HECW2: variants seen among roughly 807,000 people sequenced by gnomAD.
HECW2 encodes HECT, C2 and WW domain containing E3 ubiquitin protein ligase 2, also known as E3 ubiquitin-protein ligase HECW2.
A neutral mutation model predicts 175.2 loss-of-function variants in HECW2; 61 were observed. That is an observed-to-expected ratio of 0.35 (90% confidence interval 0.28 to 0.43). The LOEUF (loss-of-function observed/expected upper bound fraction) is 0.43. HECW2 is among the 20% of genes least tolerant of loss of function. The pLI is 1.00. For missense variants in HECW2, 1,524 were observed against 2,000.5 expected, an observed-to-expected ratio of 0.76 and a Z score of 4.54; for synonymous variants, 671 against 731.0, an observed-to-expected ratio of 0.92 and a Z score of 1.32.
At chr2:196,296,402 C>T (rs957747869) in intron 13 of HECW2, among the ~76,000 whole-genome samples, 1 of 152,042 alleles carries the variant, frequency 6.6e-6, no homozygotes, top group African/African-American at 2.4e-5. Context: ...TTGAAAAGGT[C>T]AAAATCACTT....
chr2:196,344,868 A>G (rs574545842), intron 2 of HECW2, among the ~76,000 whole-genome samples: 94 of 152,316 alleles, frequency 6.2e-4, no homozygotes, highest in Non-Finnish European at 1.2e-3. Context: ...CCCAAGCCCA[A>G]AGGAATAGTC....
intron 2 of HECW2, among the ~76,000 whole-genome samples, chr2:196,353,773 C>T (rs1345994676): frequency 6.6e-6 from 1 of 152,184 alleles, no homozygotes; most frequent in Non-Finnish European, 1.5e-5. Context: ...CCAAATGTTG[C>T]CTTTTCCAAT....
At chr2:196,455,177 G>A (rs1357693483) in intron 1 of HECW2, among the ~76,000 whole-genome samples, 1 of 152,068 alleles carries the variant, frequency 6.6e-6, no homozygotes. Flanking sequence ...GGGATTACAG[G>A]TGTGTGCCAC....
At chr2:196,485,941 A>C (rs1686985135) in intron 1 of HECW2, among the ~76,000 whole-genome samples, 1 of 152,196 alleles carries the variant, frequency 6.6e-6, no homozygotes. Flanking sequence ...TTCAAAACAC[A>C]GGAAGCTATT....
chr2:196,221,544 A>G (rs1461261411), intron 24 of HECW2, among the ~76,000 whole-genome samples: 4 of 151,986 alleles, frequency 2.6e-5, no homozygotes, highest in African/African-American at 4.8e-5. Flanking sequence ...AAAAAAATCA[A>G]TTTTGGTTCT....
chr2:196,513,632 T>C (rs748141951), intron 1 of HECW2, among the ~76,000 whole-genome samples: 1 of 152,146 alleles, frequency 6.6e-6, no homozygotes, highest in Non-Finnish European at 1.5e-5. Context: ...GAAGACAATA[T>C]AAAAACAGTA....
chr2:196,296,769 C>T (rs375270310), intron 13 of HECW2, among the ~76,000 whole-genome samples: 17 of 152,164 alleles, frequency 1.1e-4, no homozygotes, highest in East Asian at 7.7e-4. Context: ...CTGAAACACA[C>T]GGACAGAATG....
chr2:196,257,691 A>G, intron 18 of HECW2, 132 bp downstream of exon 18: 1 of 656,592 alleles, frequency 1.5e-6, no homozygotes, highest in South Asian at 2.0e-5. Context: ...TAAATCTTCA[A>G]AATATTTCCA....
chr2:196,451,051 T>C (rs75322538), intron 1 of HECW2, among the ~76,000 whole-genome samples: 13,125 of 152,106 alleles, frequency 0.086, 651 homozygotes, highest in South Asian at 0.17. Flanking sequence ...AAAATTGAAA[T>C]AAAATATTTT....
chr2:196,476,012 T>C (rs1436279722), intron 1 of HECW2, among the ~76,000 whole-genome samples: 1 of 152,176 alleles, frequency 6.6e-6, no homozygotes, highest in Non-Finnish European at 1.5e-5. Flanking sequence ...GGACCCTCAA[T>C]ACATTTCTCT....
chr2:196,580,839 T>G lies in HECW2; in HGVS notation c.-36+12669A>C, dbSNP rs558448159. On this transcript the variant is annotated intron_variant, in intron 1 of 28. Transcript: ENST00000644978. ...AAAAACATACATCCACACAAAAACT[T>G]TTACATAAATGTTCATAGCAGCATT... 2.0e-5 allele frequency among the ~76,000 whole-genome samples: 3 copies of G among 152,138 alleles called. No homozygotes were observed. The East Asian group carries it at 5.8e-4, about 29-fold the overall frequency.
chr2:196,542,188 C>G (rs564661071), intron 1 of HECW2, among the ~76,000 whole-genome samples: 5 of 150,850 alleles, frequency 3.3e-5, no homozygotes, highest in Non-Finnish European at 7.4e-5. Context: ...TGCTTGAACC[C>G]GGGAAGCGAA....
At chr2:196,419,362 A>C (rs960154020) in intron 2 of HECW2, among the ~76,000 whole-genome samples, 1 of 152,212 alleles carries the variant, frequency 6.6e-6, no homozygotes, top group African/African-American at 2.4e-5. Context: ...GTACATCTGC[A>C]AACCCTTCGG....
In HECW2 at chr2:196,271,350, T is replaced by C. The variant is rs139159034; in HGVS notation, c.3239-61A>G. 410 of 1,270,542 alleles carry C rather than the reference T, an allele frequency of 3.2e-4. 3 individuals carry two copies. The East Asian group carries it at 7.3e-3, about 23-fold the overall frequency. The allele number at this position is 1,270,542 out of a possible 1,614,324, so 78.7% of individuals were successfully genotyped here. ...AAGAATCTATTTTTAGTTTTATGTA[T>C]ATAAATCCAAACCTGTGTGCCCCAC... is the stretch of plus-strand genomic sequence containing the variant. On this transcript the variant is annotated intron_variant, in intron 16 of 28. Transcript: ENST00000644978.
chr2:196,453,608 A>G (rs912961809), intron 1 of HECW2, among the ~76,000 whole-genome samples: 5 of 152,222 alleles, frequency 3.3e-5, no homozygotes, highest in African/African-American at 1.2e-4. Context: ...AATGCAGCTT[A>G]AAATATCATC....
intron 1 of HECW2, among the ~76,000 whole-genome samples, chr2:196,546,936 AGAG>A (rs983249999): frequency 3.9e-5 from 6 of 152,338 alleles, no homozygotes; most frequent in African/African-American, 1.4e-4. Flanking sequence ...CTGCAGAGAA[AGAG>A]GAGAAGGAAA....
At chr2:196,369,712 C>A (rs1693854520) in intron 2 of HECW2, among the ~76,000 whole-genome samples, 1 of 152,102 alleles carries the variant, frequency 6.6e-6, no homozygotes, top group African/African-American at 2.4e-5. Context: ...TATTCCACTG[C>A]AGCTGAGCTG....
At chr2:196,461,845 C>T (rs184072157) in intron 1 of HECW2, among the ~76,000 whole-genome samples, 13 of 152,204 alleles carry the variant, frequency 8.5e-5, no homozygotes, top group Non-Finnish European at 1.6e-4. Flanking sequence ...TCGCCTGACA[C>T]ACGGGGATTA....
At chr2:196,499,938 A>G (rs1053801729) in intron 1 of HECW2, among the ~76,000 whole-genome samples, 3 of 152,160 alleles carry the variant, frequency 2.0e-5, no homozygotes, top group Non-Finnish European at 2.9e-5. Flanking sequence ...TGACTTTGTT[A>G]CAACAAACCA....
Sources: gnomAD v4.1 joint callset for allele counts (sites outside exome capture counted in the v4.1 genomes callset) on GRCh38, gnomAD v4.1.1 for gene constraint, MANE v1.5 for transcripts, NCBI Gene and HGNC (gene_info 2026-07-23, HGNC 2026-07-21) for gene names.